Variants in GRXCR1 observed in about 807,000 individuals in gnomAD.
GRXCR1 encodes the protein glutaredoxin and cysteine rich domain containing 1.
Under a neutral mutation model 27.3 loss-of-function variants are expected in GRXCR1, and 27 were observed. The observed-to-expected ratio is 0.99, with a 90% confidence interval of 0.73 to 1.37. The LOEUF is 1.37. Among genes scored for constraint, GRXCR1 ranks in the 40% most tolerant of loss-of-function variants. The pLI is 0.00. For synonymous variants in GRXCR1, 122 were observed against 131.1 expected, an observed-to-expected ratio of 0.93 and a Z score of 0.47; for missense variants, 379 against 354.4, an observed-to-expected ratio of 1.07 and a Z score of -0.56.
Position 43,030,376 on chromosome 4 carries a change from C to A in GRXCR1, c.709C>A (p.His237Asn). The change falls in exon 4 of 4, where the codon CAT (histidine) becomes AAT (asparagine). Residue 237 changes from histidine to asparagine, a missense_variant. Physicochemically the swap from His to Asn is moderately conservative, Grantham distance 68. Transcript: ENST00000399770. ...LTKIERVQHPHECPSCGGFGF... is the reference protein window; with the variant it reads ...LTKIERVQHPNECPSCGGFGF... ...CCTTATACAGAGAGTACAGCATCCA[C>A]ATGAGTGTCCCTCTTGTGGAGGCTT... 1.9e-6 allele frequency: 3 copies of A among 1,613,878 alleles called. No homozygotes were observed. Among genetic ancestry groups the A allele is most frequent in the Non-Finnish European group, 2.5e-6 (3 of 1,179,978 alleles).
chr4:42,986,997 T>G (rs1355013908), intron 2 of GRXCR1, among the ~76,000 whole-genome samples: 1 of 121,452 alleles, frequency 8.2e-6, no homozygotes, highest in East Asian at 2.3e-4. Flanking sequence ...TTAAGAGATA[T>G]GTGTATGTGT....
chr4:43,009,382 A>C (rs1712666712), intron 2 of GRXCR1, among the ~76,000 whole-genome samples: 1 of 152,192 alleles, frequency 6.6e-6, no homozygotes. Context: ...ATAAGAGTTC[A>C]TGCTGTCCTC....
rs7662169 is a variant in GRXCR1 at position 43,018,974 on chromosome 4, T to C, written c.628-1380T>C. 5.1e-3 allele frequency among the ~76,000 whole-genome samples: 776 copies of C among 152,294 alleles called. 12 individuals are homozygous for C. Among genetic ancestry groups the C allele is most frequent in the African/African-American group, 0.015 (635 of 41,554 alleles). On this transcript the variant is annotated intron_variant, in intron 2 of 3. Transcript: ENST00000399770. ...CTGTAGCCCTGTGCGTTCGTTCATA[T>C]TGCTTTTGAATGTATCAGTTTGACA...
At chr4:43,003,626 A>G (rs1398264969) in intron 2 of GRXCR1, among the ~76,000 whole-genome samples, 1 of 152,232 alleles carries the variant, frequency 6.6e-6, no homozygotes, top group Non-Finnish European at 1.5e-5. Flanking sequence ...ATGCTTTAGC[A>G]AAGAGACTGG....
chr4:43,026,056 T>C (rs1713250321), intron 3 of GRXCR1, among the ~76,000 whole-genome samples: 1 of 151,152 alleles, frequency 6.6e-6, no homozygotes, highest in Non-Finnish European at 1.5e-5. Context: ...TTACTAGTTG[T>C]AATGTTACTA....
intron 1 of GRXCR1, among the ~76,000 whole-genome samples, chr4:42,937,720 T>C (rs1363037003): frequency 2.6e-5 from 4 of 151,954 alleles, no homozygotes; most frequent in African/African-American, 9.7e-5. Flanking sequence ...CCATCATCTA[T>C]TTACTTAATA....
chr4:42,972,183 T>C (rs1181049663), intron 2 of GRXCR1, among the ~76,000 whole-genome samples: 1 of 152,158 alleles, frequency 6.6e-6, no homozygotes, highest in Non-Finnish European at 1.5e-5. Flanking sequence ...TTTTCATTTT[T>C]TATTATTTAA....
chr4:42,953,092 T>A (rs909984012), intron 1 of GRXCR1, among the ~76,000 whole-genome samples: 1 of 152,190 alleles, frequency 6.6e-6, no homozygotes, highest in Non-Finnish European at 1.5e-5. Flanking sequence ...CCAGGTTGCA[T>A]GTCTGAGGGC....
chr4:43,028,213 T>A (rs1310404512), intron 3 of GRXCR1, among the ~76,000 whole-genome samples: 1 of 152,196 alleles, frequency 6.6e-6, no homozygotes, highest in East Asian at 1.9e-4. Context: ...CTCTAACCTA[T>A]AAATTTTGCC....
At chr4:42,999,963 A>G (rs555334623) in intron 2 of GRXCR1, among the ~76,000 whole-genome samples, 1 of 152,246 alleles carries the variant, frequency 6.6e-6, no homozygotes, top group Non-Finnish European at 1.5e-5. Flanking sequence ...CAAACAATCC[A>G]AAGTTTTGAT....
chr4:42,926,898 A>T (rs896367061), intron 1 of GRXCR1, among the ~76,000 whole-genome samples: 1 of 152,044 alleles, frequency 6.6e-6, no homozygotes, highest in Non-Finnish European at 1.5e-5. Flanking sequence ...AATTCAGCTT[A>T]TGCATATTGA....
At chr4:42,960,669 AATCTT>A (rs1306760107) in intron 1 of GRXCR1, among the ~76,000 whole-genome samples, 1 of 151,408 alleles carries the variant, frequency 6.6e-6, no homozygotes, top group African/African-American at 2.4e-5. Context: ...TCTCTTACTT[AATCTT>A]CTCAGCAAAC....
chr4:42,910,491 A>G (rs1330934267), intron 1 of GRXCR1, among the ~76,000 whole-genome samples: 9 of 152,152 alleles, frequency 5.9e-5, no homozygotes, highest in Non-Finnish European at 1.2e-4. Context: ...CCTGGGCTAC[A>G]TATGCTGAGT....
chr4:42,928,273 G>C (rs1323007638), intron 1 of GRXCR1, among the ~76,000 whole-genome samples: 1 of 151,904 alleles, frequency 6.6e-6, no homozygotes, highest in African/African-American at 2.4e-5. Context: ...AAATCACTCT[G>C]ATAATAACAT....
chr4:42,955,489 C>CACGT (rs1265911951), intron 1 of GRXCR1, among the ~76,000 whole-genome samples: 2 of 152,082 alleles, frequency 1.3e-5, no homozygotes, highest in African/African-American at 4.8e-5. Flanking sequence ...CAGTGGAAAG[C>CACGT]ACGTGGACTT....
chr4:42,897,792 AAAT>A (rs1746379463), intron 1 of GRXCR1, among the ~76,000 whole-genome samples: 1 of 152,032 alleles, frequency 6.6e-6, no homozygotes, highest in African/African-American at 2.4e-5. Context: ...TAAAGAAAGT[AAAT>A]AATTTTTCTA....
At chr4:42,896,534 C>T (rs1226751359) in intron 1 of GRXCR1, among the ~76,000 whole-genome samples, 2 of 151,972 alleles carry the variant, frequency 1.3e-5, no homozygotes, top group African/African-American at 4.8e-5. Context: ...GCTTCAGCTC[C>T]AGGTGGTTGA....
intron 1 of GRXCR1, among the ~76,000 whole-genome samples, chr4:42,924,702 T>C (rs1165983339): frequency 6.6e-6 from 1 of 152,080 alleles, no homozygotes; most frequent in Non-Finnish European, 1.5e-5. Flanking sequence ...TAGAACTTAC[T>C]TCCTAATTAG....
intron 1 of GRXCR1, among the ~76,000 whole-genome samples, chr4:42,909,108 G>A (rs1021992768): frequency 2.0e-5 from 3 of 152,120 alleles, no homozygotes; most frequent in Non-Finnish European, 4.4e-5. Flanking sequence ...AAAAGCAAAC[G>A]CTTTAGATAG....
Sources: allele counts gnomAD v4.1 joint callset (sites outside exome capture counted in the v4.1 genomes callset), GRCh38; gene constraint gnomAD v4.1.1; transcripts MANE v1.5; gene names NCBI Gene and HGNC (gene_info 2026-07-23, HGNC 2026-07-21).